Variants in EBPL observed in about 807,000 individuals in gnomAD.
The protein encoded by EBPL is emopamil-binding protein-like.
In EBPL, 20 loss-of-function variants were observed where a neutral mutation model predicts 19.0. The ratio of observed to expected loss-of-function variants is 1.05; its 90% CI spans 0.74 to 1.53. The LOEUF is 1.53. EBPL is among the 40% of genes most tolerant of loss of function. The pLI is 0.00. For missense variants in EBPL, 219 were observed against 261.1 expected (o/e 0.84, Z 1.11); for synonymous variants, 107 against 117.0 (o/e 0.91, Z 0.55).
Position 49,661,270 on chromosome 13 carries a change from A to G in EBPL, c.381-62T>C. On this transcript the variant is annotated intron_variant, in intron 3 of 3. Transcript: ENST00000242827. ...CTTGGCACAGTTTGGCATCAGAGTC[A>G]TGACATCTTGTCTGTAATGGCGGCA... is the stretch of plus-strand genomic sequence containing the variant. The G allele has an allele frequency of 5.9e-6, 8 of 1,345,778 alleles. No homozygotes were observed. In the South Asian group the frequency reaches 1.0e-4, roughly 17 times the overall value. The allele number at this position is 1,345,778 out of a possible 1,614,324, so 83.4% of individuals were successfully genotyped here. A position where few individuals can be genotyped will look rare whatever the true frequency, so the allele number is the denominator to read the frequency against.
intron 1 of EBPL, among the ~76,000 whole-genome samples, chr13:49,676,411 G>A (rs913511374): frequency 3.3e-5 from 5 of 152,034 alleles, no homozygotes; most frequent in African/African-American, 9.7e-5. Flanking sequence ...TTAACACGGC[G>A]AAACCCCGTC....
At chr13:49,661,793 G>C in intron 3 of EBPL, 14 of 1,525,900 alleles carry the variant, frequency 9.2e-6, no homozygotes, top group Non-Finnish European at 1.2e-5. Flanking sequence ...CTCTAAAATT[G>C]GGTGGGGAAG....
intron 2 of EBPL, among the ~76,000 whole-genome samples, chr13:49,669,373 A>G (rs558757652): frequency 6.6e-6 from 1 of 152,266 alleles, no homozygotes; most frequent in Admixed American, 6.5e-5. Context: ...GCTCATTTAA[A>G]AAACTTTTTT....
At chr13:49,683,356 T>C (rs2137508158) in intron 1 of EBPL, among the ~76,000 whole-genome samples, 1 of 151,774 alleles carries the variant, frequency 6.6e-6, no homozygotes, top group East Asian at 2.0e-4. Context: ...TGAAACCTCG[T>C]CTCTACTAAA....
At chr13:49,685,031 G>A (rs1953982307) in intron 1 of EBPL, among the ~76,000 whole-genome samples, 1 of 152,158 alleles carries the variant, frequency 6.6e-6, no homozygotes, top group Non-Finnish European at 1.5e-5. Flanking sequence ...TCAGCCTCCT[G>A]AATAGCTGGG....
chr13:49,661,826 C>T, intron 3 of EBPL: 1 of 1,546,876 alleles, frequency 6.5e-7, no homozygotes, highest in Non-Finnish European at 8.7e-7. Flanking sequence ...AAGACTTCTT[C>T]ATTACAAGAT....
intron 1 of EBPL, among the ~76,000 whole-genome samples, chr13:49,677,659 A>G (rs1009950549): frequency 6.6e-6 from 1 of 152,224 alleles, no homozygotes; most frequent in African/African-American, 2.4e-5. Flanking sequence ...CTGTAATCCC[A>G]GCACTTTGGG....
At chr13:49,661,560 G>A (rs1965148993) in intron 3 of EBPL, among the ~76,000 whole-genome samples, 1 of 152,188 alleles carries the variant, frequency 6.6e-6, no homozygotes, top group Non-Finnish European at 1.5e-5. Flanking sequence ...TAAAAGGGGA[G>A]AGTGAGTAAT....
At chr13:49,687,487 C>G (rs956880674) in intron 1 of EBPL, among the ~76,000 whole-genome samples, 2 of 152,168 alleles carry the variant, frequency 1.3e-5, no homozygotes, top group Non-Finnish European at 2.9e-5. Context: ...GGTCTCTGAG[C>G]AAAGACATTT....
intron 2 of EBPL, among the ~76,000 whole-genome samples, chr13:49,665,123 T>G (rs1321187333): frequency 4.0e-5 from 6 of 151,834 alleles, no homozygotes. Context: ...CTTTTTTTTT[T>G]TTTTTTTGAG....
chr13:49,682,473 T>G (rs2137507113), intron 1 of EBPL, among the ~76,000 whole-genome samples: 1 of 152,266 alleles, frequency 6.6e-6, no homozygotes. Context: ...GGATTCACAC[T>G]AAGAGGACAG....
chr13:49,678,048 T>C (rs1384008222), intron 1 of EBPL, among the ~76,000 whole-genome samples: 49 of 152,336 alleles, frequency 3.2e-4, no homozygotes, highest in South Asian at 1.0e-3. Context: ...TTGCCGGGGC[T>C]GGCTTGGGCA....
chr13:49,667,662 GT>G (rs1026377289), intron 2 of EBPL, among the ~76,000 whole-genome samples: 4 of 152,176 alleles, frequency 2.6e-5, no homozygotes, highest in Non-Finnish European at 2.9e-5. Flanking sequence ...CTGCGTTTTG[GT>G]TTTTAGAAAT....
intron 2 of EBPL, among the ~76,000 whole-genome samples, chr13:49,668,000 G>A (rs146733516): frequency 2.0e-5 from 3 of 152,294 alleles, no homozygotes; most frequent in African/African-American, 7.2e-5. Flanking sequence ...GCTGGGGTCC[G>A]TCAGCCTCTG....
chr13:49,690,895 G>C (rs1954055271), intron 1 of EBPL, among the ~76,000 whole-genome samples: 2 of 152,064 alleles, frequency 1.3e-5, no homozygotes, highest in Non-Finnish European at 1.5e-5. Context: ...GCCCCCTCTG[G>C]GGCATTTAAA....
chr13:49,661,176 TCGCACA>T lies in EBPL; in HGVS notation c.407_412del (p.Val136_Cys137del), dbSNP rs758261182. On this transcript the variant is annotated inframe_deletion, in exon 4 of 4. Coordinates refer to ENST00000242827, the MANE Select transcript of EBPL (RefSeq NM_032565.5). ...GAAGGTCATCCAGCAGCCATACAGC[TCGCACA>T]CGCACAGGGTGATCTGCAGGAAATG... The T allele has an allele frequency of 1.2e-6, 2 of 1,614,132 alleles. No homozygotes were observed. Among genetic ancestry groups the T allele is most frequent in the Admixed American group, 1.7e-5 (1 of 60,016 alleles).
intron 1 of EBPL, chr13:49,686,325 C>T: frequency 1.2e-6 from 1 of 847,240 alleles, no homozygotes; most frequent in Non-Finnish European, 1.6e-6. Flanking sequence ...TACCCTCCTG[C>T]TCTTCCTCCG....
At position 49,691,427 on chromosome 13, in the gene EBPL, T is replaced by C; in HGVS notation, c.-3A>G. The C allele has an allele frequency of 7.5e-7, 1 of 1,337,210 alleles. No individual in the cohort carries two copies. Among genetic ancestry groups the C allele is most frequent in the South Asian group, 2.6e-5 (1 of 38,074 alleles). The allele number at this position is 1,337,210 out of a possible 1,614,324, so 82.8% of individuals were successfully genotyped here. On this transcript the variant is annotated 5_prime_UTR_variant, in exon 1 of 4. Coordinates refer to ENST00000242827, the MANE Select transcript of EBPL (RefSeq NM_032565.5). ...CCCAGCTCCCACTCAGCGCCCATGC[T>C]TCAGGCTTCCGACGCCAACGGCCCA...
chr13:49,684,055 C>T (rs1349585162), intron 1 of EBPL, among the ~76,000 whole-genome samples: 1 of 152,072 alleles, frequency 6.6e-6, no homozygotes, highest in Non-Finnish European at 1.5e-5. Flanking sequence ...AATTATAGGA[C>T]AGCAAAACTT....
Sources: gnomAD v4.1 joint callset for allele counts (sites outside exome capture counted in the v4.1 genomes callset) on GRCh38, gnomAD v4.1.1 for gene constraint, MANE v1.5 for transcripts, NCBI Gene and HGNC (gene_info 2026-07-23, HGNC 2026-07-21) for gene names.